Variants in TAFA1 observed in about 807,000 individuals in gnomAD.
TAFA1 encodes TAFA chemokine like family member 1.
A neutral mutation model predicts 18.5 loss-of-function variants in TAFA1; 4 were observed. The ratio of observed to expected loss-of-function variants is 0.22; its 90% CI spans 0.11 to 0.49. The LOEUF (loss-of-function observed/expected upper bound fraction) is 0.49, where lower values mean the gene tolerates loss of function less well. TAFA1 is among the 20% of genes least tolerant of loss of function. TAFA1 has a pLI of 0.98. For missense variants in TAFA1, 147 were observed against 169.0 expected, an observed-to-expected ratio of 0.87 and a Z score of 0.72; for synonymous variants, 56 against 55.2, an observed-to-expected ratio of 1.01 and a Z score of -0.06.
At chr3:68,335,879 G>A (rs1009464248) in intron 2 of TAFA1, among the ~76,000 whole-genome samples, 1 of 152,172 alleles carries the variant, frequency 6.6e-6, no homozygotes, top group Non-Finnish European at 1.5e-5. Context: ...ACTTTCCTTT[G>A]TTGCTTTGTC....
chr3:68,193,434 C>T (rs146445710), intron 2 of TAFA1, among the ~76,000 whole-genome samples: 15 of 151,804 alleles, frequency 9.9e-5, no homozygotes, highest in African/African-American at 3.4e-4. Flanking sequence ...AAAGCAACTG[C>T]CTTTGAAACT....
chr3:68,030,119 T>C (rs1355227186), intron 2 of TAFA1, among the ~76,000 whole-genome samples: 1 of 152,150 alleles, frequency 6.6e-6, no homozygotes, highest in African/African-American at 2.4e-5. Flanking sequence ...ATACTTAAAA[T>C]ATCATGAGAA....
intron 2 of TAFA1, among the ~76,000 whole-genome samples, chr3:68,407,967 C>G (rs778312090): frequency 6.6e-6 from 1 of 152,138 alleles, no homozygotes; most frequent in South Asian, 2.1e-4. Context: ...CAGACAAAGA[C>G]ACTCAGAGCT....
chr3:68,104,862 T>C (rs1007466394), intron 2 of TAFA1, among the ~76,000 whole-genome samples: 2 of 152,142 alleles, frequency 1.3e-5, no homozygotes, highest in African/African-American at 2.4e-5. Context: ...TATGTGTCTG[T>C]AGCAGTCTGC....
intron 2 of TAFA1, among the ~76,000 whole-genome samples, chr3:68,164,748 C>G (rs1173647973): frequency 6.6e-6 from 1 of 151,774 alleles, no homozygotes; most frequent in East Asian, 1.9e-4. Flanking sequence ...TGTGGATTAT[C>G]TATGATGTAT....
chr3:68,300,547 T>G (rs1331486074), intron 2 of TAFA1, among the ~76,000 whole-genome samples: 1 of 152,180 alleles, frequency 6.6e-6, no homozygotes, highest in Non-Finnish European at 1.5e-5. Context: ...AATGCTGGAA[T>G]GAAGTTATAC....
chr3:68,231,222 CAAAA>C (rs1332482278), intron 2 of TAFA1, among the ~76,000 whole-genome samples: 1 of 151,492 alleles, frequency 6.6e-6, no homozygotes, highest in African/African-American at 2.4e-5. Context: ...TTTAAATACT[CAAAA>C]AGGTAGAAAA....
intron 2 of TAFA1, among the ~76,000 whole-genome samples, chr3:68,258,734 G>A (rs1467446518): frequency 6.6e-6 from 1 of 152,124 alleles, no homozygotes; most frequent in Non-Finnish European, 1.5e-5. Context: ...ACCTTACTGG[G>A]TACTTGTTGG....
intron 2 of TAFA1, among the ~76,000 whole-genome samples, chr3:68,341,666 T>C (rs545272623): frequency 3.7e-4 from 57 of 152,338 alleles, no homozygotes; most frequent in African/African-American, 1.3e-3. Flanking sequence ...TTCTCAAGGT[T>C]AGTTCAGCCT....
intron 2 of TAFA1, among the ~76,000 whole-genome samples, chr3:68,161,413 TAA>T (rs1229720846): frequency 6.6e-6 from 1 of 152,172 alleles, no homozygotes; most frequent in Admixed American, 6.5e-5. Flanking sequence ...TTGAAAATGA[TAA>T]GAGATGTTAG....
intron 2 of TAFA1, among the ~76,000 whole-genome samples, chr3:68,403,697 A>G (rs1411119239): frequency 2.6e-5 from 4 of 152,230 alleles, no homozygotes; most frequent in African/African-American, 9.6e-5. Context: ...TAGTTGCTCC[A>G]GAGACCACAT....
At chr3:68,411,938 A>G (rs2070726932) in intron 2 of TAFA1, among the ~76,000 whole-genome samples, 1 of 152,116 alleles carries the variant, frequency 6.6e-6, no homozygotes, top group Admixed American at 6.5e-5. Context: ...AGAGCTTCCA[A>G]CTGTTGGGGT....
intron 2 of TAFA1, among the ~76,000 whole-genome samples, chr3:68,043,719 C>T (rs907927484): frequency 3.3e-5 from 5 of 152,102 alleles, no homozygotes; most frequent in African/African-American, 1.2e-4. Flanking sequence ...ATTTTACAGG[C>T]TCTTGGATGT....
chr3:68,332,072 C>T (rs920054344), intron 2 of TAFA1, among the ~76,000 whole-genome samples: 8 of 151,566 alleles, frequency 5.3e-5, no homozygotes, highest in Admixed American at 2.6e-4. Context: ...ACCGTGTTAA[C>T]CCGGATGGTC....
chr3:68,152,485 A>G, intron 2 of TAFA1, among the ~76,000 whole-genome samples: 1 of 152,194 alleles, frequency 6.6e-6, no homozygotes, highest in East Asian at 1.9e-4. Flanking sequence ...AAAGTCAAAG[A>G]TGACTGAATA....
At chr3:68,048,024 A>T (rs1255097850) in intron 2 of TAFA1, among the ~76,000 whole-genome samples, 1 of 152,120 alleles carries the variant, frequency 6.6e-6, no homozygotes, top group East Asian at 1.9e-4. Context: ...ATTGTAGAGA[A>T]ATCAACCCAG....
At chr3:68,446,905 A>G in intron 3 of TAFA1, among the ~76,000 whole-genome samples, 1 of 152,198 alleles carries the variant, frequency 6.6e-6, no homozygotes, top group East Asian at 1.9e-4. Context: ...GATCTGTATC[A>G]ATCCAGTGAC....
At chr3:68,483,059 A>C (rs1405188591) in intron 3 of TAFA1, among the ~76,000 whole-genome samples, 2 of 152,184 alleles carry the variant, frequency 1.3e-5, no homozygotes, top group African/African-American at 4.8e-5. Flanking sequence ...GATATTCCCA[A>C]CTAAGGAATC....
At chr3:68,033,906 T>C (rs182254436) in intron 2 of TAFA1, among the ~76,000 whole-genome samples, 14 of 152,300 alleles carry the variant, frequency 9.2e-5, no homozygotes, top group Admixed American at 2.0e-4. Context: ...TTGGTGTACT[T>C]TTCAGATCAG....
Sources: allele counts gnomAD v4.1 joint callset (sites outside exome capture counted in the v4.1 genomes callset), GRCh38; gene constraint gnomAD v4.1.1; transcripts MANE v1.5; gene names NCBI Gene and HGNC (gene_info 2026-07-23, HGNC 2026-07-21).